Variants in GLT8D2 observed in about 807,000 individuals in gnomAD.
GLT8D2 encodes glycosyltransferase 8 domain-containing protein 2.
Under a neutral mutation model 44.5 loss-of-function variants are expected in GLT8D2, and 45 were observed. The observed-to-expected ratio is 1.01, with a 90% confidence interval of 0.80 to 1.30. The LOEUF (loss-of-function observed/expected upper bound fraction) is 1.30. GLT8D2 is among the 50% of genes most tolerant of loss of function. The pLI, the probability that GLT8D2 is intolerant of heterozygous loss-of-function variation, is 0.00. For synonymous variants in GLT8D2, 156 were observed against 157.2 expected (o/e 0.99, Z 0.06); for missense variants, 400 against 430.4 (o/e 0.93, Z 0.62).
intron 1 of GLT8D2, chr12:104,049,520 A>G (rs990214730): frequency 6.6e-6 from 1 of 152,198 alleles, no homozygotes; most frequent in Non-Finnish European, 1.5e-5. Context: ...GCTCAGTTAA[A>G]TAATTTGTGG....
chr12:104,047,039 G>A (rs1288646260), intron 1 of GLT8D2, among the ~76,000 whole-genome samples: 2 of 152,088 alleles, frequency 1.3e-5, no homozygotes, highest in East Asian at 3.9e-4. Flanking sequence ...ATGTTGCCTA[G>A]TCTGGTTTAG....
Position 103,993,372 on chromosome 12 carries a change from A to C in GLT8D2, c.880+20T>G, listed in dbSNP as rs764068195. On this transcript the variant is annotated intron_variant, in intron 10 of 10. Transcript: ENST00000360814. ...AATGGACATTTGCGTTTTTCTAAAC[A>C]GTTTTTCTGAAATACTTACCCAGGT... 7.7e-6 allele frequency: 12 copies of C among 1,559,658 alleles called. No individual in the cohort carries two copies. The highest frequency in any genetic ancestry group is 1.7e-5 in the Admixed American group (1 of 59,884).
chr12:104,012,500 T>A (rs1593541029), intron 4 of GLT8D2: 1 of 276,860 alleles, frequency 3.6e-6, no homozygotes, highest in East Asian at 6.6e-5. Context: ...TTTTAAAACC[T>A]ATCCACTTAT....
intron 4 of GLT8D2, among the ~76,000 whole-genome samples, chr12:104,005,177 A>G (rs894803103): frequency 2.6e-5 from 4 of 152,248 alleles, no homozygotes; most frequent in African/African-American, 4.8e-5. Flanking sequence ...CTGGCTAGCC[A>G]TATGTAGAAA....
intron 1 of GLT8D2, among the ~76,000 whole-genome samples, chr12:104,063,262 T>G (rs1882840906): frequency 6.6e-6 from 1 of 152,228 alleles, no homozygotes; most frequent in Non-Finnish European, 1.5e-5. Flanking sequence ...CCTTTTTGTG[T>G]CTCTGTGGCA....
At chr12:104,024,349 G>T (rs1878285408) in intron 1 of GLT8D2, among the ~76,000 whole-genome samples, 1 of 152,162 alleles carries the variant, frequency 6.6e-6, no homozygotes, top group Non-Finnish European at 1.5e-5. Context: ...TGGGAGGATT[G>T]TTTGAGCCTG....
intron 5 of GLT8D2, among the ~76,000 whole-genome samples, chr12:104,000,197 G>A (rs1380360758): frequency 6.6e-6 from 1 of 152,094 alleles, no homozygotes; most frequent in Non-Finnish European, 1.5e-5. Context: ...AGAATTAAAT[G>A]TGAACAAAAT....
intron 1 of GLT8D2, among the ~76,000 whole-genome samples, chr12:104,060,469 A>C (rs1882546933): frequency 6.6e-6 from 1 of 152,196 alleles, no homozygotes; most frequent in African/African-American, 2.4e-5. Context: ...GTACTTTGTC[A>C]TAGATTGAAT....
At chr12:104,037,795 T>C (rs1238507699) in intron 1 of GLT8D2, among the ~76,000 whole-genome samples, 3 of 152,240 alleles carry the variant, frequency 2.0e-5, no homozygotes, top group Non-Finnish European at 4.4e-5. Context: ...ACTCATTTTA[T>C]GAGGCCAGCA....
intron 5 of GLT8D2, among the ~76,000 whole-genome samples, chr12:104,000,663 C>T (rs1874088497): frequency 6.6e-6 from 1 of 152,196 alleles, no homozygotes; most frequent in African/African-American, 2.4e-5. Flanking sequence ...CAAACCCTTG[C>T]CCAGAAACCT....
intron 8 of GLT8D2, among the ~76,000 whole-genome samples, chr12:103,995,868 C>CA (rs1873352871): frequency 6.6e-6 from 1 of 152,234 alleles, no homozygotes; most frequent in African/African-American, 2.4e-5. Flanking sequence ...AAGAACTTTA[C>CA]ATGTACTACC....
intron 1 of GLT8D2, among the ~76,000 whole-genome samples, chr12:104,058,021 A>G (rs1370522747): frequency 1.3e-5 from 2 of 152,198 alleles, no homozygotes; most frequent in African/African-American, 4.8e-5. Context: ...GTGCTGCTGA[A>G]CAGCCACTAT....
intron 1 of GLT8D2, among the ~76,000 whole-genome samples, chr12:104,040,783 G>A (rs2136472174): frequency 6.6e-6 from 1 of 152,200 alleles, no homozygotes; most frequent in Admixed American, 6.5e-5. Context: ...GAGTATATAG[G>A]TACTTTTAGC....
intron 7 of GLT8D2, 137 bp downstream of exon 7, chr12:103,997,314 C>T: frequency 1.4e-6 from 1 of 702,012 alleles, no homozygotes; most frequent in Non-Finnish European, 2.5e-6. Context: ...TCCACATTTA[C>T]AACAATACTG....
intron 6 of GLT8D2, among the ~76,000 whole-genome samples, chr12:103,998,162 G>A (rs1299867649): frequency 6.6e-6 from 1 of 152,010 alleles, no homozygotes; most frequent in African/African-American, 2.4e-5. Flanking sequence ...TTTCAGGGAT[G>A]AATTTAAGTA....
At chr12:103,990,929 A>G (rs1380472822) in intron 10 of GLT8D2, among the ~76,000 whole-genome samples, 1 of 152,206 alleles carries the variant, frequency 6.6e-6, no homozygotes, top group Non-Finnish European at 1.5e-5. Flanking sequence ...TTTTAGCTAA[A>G]TATATTTTGT....
intron 1 of GLT8D2, among the ~76,000 whole-genome samples, chr12:104,046,909 C>T (rs763302994): frequency 2.0e-5 from 3 of 151,952 alleles, no homozygotes; most frequent in Non-Finnish European, 2.9e-5. Flanking sequence ...ACTATAGCCT[C>T]GAATTCCTGG....
intron 1 of GLT8D2, among the ~76,000 whole-genome samples, chr12:104,061,370 C>A (rs1053968949): frequency 6.6e-6 from 1 of 152,048 alleles, no homozygotes; most frequent in Admixed American, 6.5e-5. Context: ...AGGGTTGGAA[C>A]GTTTGATTTT....
chr12:104,062,403 ATC>A (rs1012955818), intron 1 of GLT8D2, among the ~76,000 whole-genome samples: 3 of 151,930 alleles, frequency 2.0e-5, no homozygotes, highest in Non-Finnish European at 2.9e-5. Context: ...ATAGAGAGTT[ATC>A]TCTCAAAAAA....
Sources: gnomAD v4.1 joint callset for allele counts (sites outside exome capture counted in the v4.1 genomes callset) on GRCh38, gnomAD v4.1.1 for gene constraint, MANE v1.5 for transcripts, NCBI Gene and HGNC (gene_info 2026-07-23, HGNC 2026-07-21) for gene names.